Variants in ZNF892 observed in about 807,000 individuals in gnomAD.
ZNF892 encodes the protein zinc finger protein 892.
At chr2:95,251,632 A>T in the ZNF892 span, among the ~76,000 whole-genome samples, 1 of 152,160 alleles carries the variant, frequency 6.6e-6, no homozygotes, top group South Asian at 2.1e-4. Context: ...GTGGACTGTG[A>T]CCCCGATTTT....
At chr2:95,214,604 G>C in the ZNF892 span, 2 of 399,184 alleles carry the variant, frequency 5.0e-6, no homozygotes, top group African/African-American at 4.1e-5. Flanking sequence ...AGCAAGGAGA[G>C]AGACTACATC....
chr2:95,241,506 G>A, the ZNF892 span, among the ~76,000 whole-genome samples: 1 of 152,132 alleles, frequency 6.6e-6, no homozygotes, highest in Admixed American at 6.5e-5. Flanking sequence ...CAACCTCAAA[G>A]ATCGAAGGTA....
chr2:95,262,355 C>A, the ZNF892 span, among the ~76,000 whole-genome samples: 2 of 152,186 alleles, frequency 1.3e-5, no homozygotes, highest in Non-Finnish European at 1.5e-5. Flanking sequence ...ACTCCCTTCT[C>A]CCTGAGCCAC....
At chr2:95,251,145 C>A in the ZNF892 span, among the ~76,000 whole-genome samples, 2 of 151,954 alleles carry the variant, frequency 1.3e-5, no homozygotes, top group African/African-American at 4.8e-5. Flanking sequence ...AAAAAAATCA[C>A]CTATACATAA....
chr2:95,207,808 G>A, the ZNF892 span: 3 of 398,718 alleles, frequency 7.5e-6, no homozygotes, highest in Non-Finnish European at 1.3e-5. Flanking sequence ...CCGGAGGAAG[G>A]AGTCTCCATG....
the ZNF892 span, among the ~76,000 whole-genome samples, chr2:95,238,722 C>T: frequency 6.6e-6 from 1 of 152,214 alleles, no homozygotes. Flanking sequence ...GATCAAATAT[C>T]CACATTACTG....
the ZNF892 span, among the ~76,000 whole-genome samples, chr2:95,254,791 C>T: frequency 5.3e-5 from 8 of 152,202 alleles, no homozygotes; most frequent in Non-Finnish European, 1.2e-4. Flanking sequence ...GATTCAACTT[C>T]TTCCTGGTTT....
chr2:95,235,502 C>T, the ZNF892 span, among the ~76,000 whole-genome samples: 1 of 152,080 alleles, frequency 6.6e-6, no homozygotes, highest in Non-Finnish European at 1.5e-5. Context: ...TCTGGGACTA[C>T]AGGCGCCAGC....
the ZNF892 span, chr2:95,215,311 T>C: frequency 2.1e-6 from 1 of 468,648 alleles, no homozygotes. Flanking sequence ...GCCAAAGCCT[T>C]CAGTGACCGC....
chr2:95,260,131 C>G, the ZNF892 span, among the ~76,000 whole-genome samples: 1 of 152,212 alleles, frequency 6.6e-6, no homozygotes, highest in African/African-American at 2.4e-5. Flanking sequence ...TCCAGCTGGC[C>G]CATGTCTGAG....
At chr2:95,231,558 A>G in the ZNF892 span, among the ~76,000 whole-genome samples, 3 of 152,222 alleles carry the variant, frequency 2.0e-5, no homozygotes, top group Admixed American at 2.0e-4. Flanking sequence ...AATATGCGAG[A>G]GTGTGTGTAT....
the ZNF892 span, chr2:95,215,369 C>T: frequency 4.4e-6 from 2 of 457,614 alleles, no homozygotes; most frequent in East Asian, 3.3e-5. Flanking sequence ...AGAAACCTTA[C>T]AAATGTAAAG....
the ZNF892 span, among the ~76,000 whole-genome samples, chr2:95,256,119 G>A: frequency 6.6e-6 from 1 of 152,198 alleles, no homozygotes; most frequent in Non-Finnish European, 1.5e-5. Context: ...TCATTATGAT[G>A]TTAGCTGGTT....
chr2:95,211,600 A>G, the ZNF892 span: 6 of 398,352 alleles, frequency 1.5e-5, no homozygotes, highest in African/African-American at 2.1e-5. Flanking sequence ...GTGAGCACCA[A>G]TGTGTTTGGT....
At chr2:95,244,104 G>A in the ZNF892 span, among the ~76,000 whole-genome samples, 18 of 150,748 alleles carry the variant, frequency 1.2e-4, no homozygotes, top group Middle Eastern at 3.4e-3. Flanking sequence ...GATTAAGGGC[G>A]GTGCAAGATG....
At chr2:95,232,882 G>T in the ZNF892 span, among the ~76,000 whole-genome samples, 2 of 151,958 alleles carry the variant, frequency 1.3e-5, no homozygotes, top group Non-Finnish European at 2.9e-5. Flanking sequence ...CTTGCTCGTT[G>T]TGTGGTGGAG....
chr2:95,256,738 T>A, the ZNF892 span, among the ~76,000 whole-genome samples: 1 of 152,238 alleles, frequency 6.6e-6, no homozygotes, highest in Non-Finnish European at 1.5e-5. Context: ...TCTTTTCACA[T>A]AGTCCCATAT....
chr2:95,257,695 T>C, the ZNF892 span, among the ~76,000 whole-genome samples: 1 of 152,228 alleles, frequency 6.6e-6, no homozygotes, highest in Non-Finnish European at 1.5e-5. Flanking sequence ...GCAGGCCTCC[T>C]TGAGCTGTGG....
At chr2:95,234,250 T>C in the ZNF892 span, among the ~76,000 whole-genome samples, 1 of 152,204 alleles carries the variant, frequency 6.6e-6, no homozygotes, top group Non-Finnish European at 1.5e-5. Context: ...AGGCGCTCAA[T>C]GAGGAGCATT....
Sources: allele counts gnomAD v4.1 joint callset (sites outside exome capture counted in the v4.1 genomes callset), GRCh38; gene constraint gnomAD v4.1.1; transcripts MANE v1.5; gene names NCBI Gene and HGNC (gene_info 2026-07-23, HGNC 2026-07-21).